Variants in NRG1 observed in about 807,000 individuals in gnomAD.
NRG1 encodes the protein neuregulin 1, also known as pro-neuregulin-1, membrane-bound isoform.
A neutral mutation model predicts 63.8 loss-of-function variants in NRG1; 18 were observed. The observed-to-expected ratio is 0.28, with a 90% CI of 0.19 to 0.42. The LOEUF is 0.42. NRG1 is among the 10% of genes least tolerant of loss of function. The pLI is 1.00. For missense variants in NRG1, 762 were observed against 814.7 expected (o/e 0.94, Z 0.79); for synonymous variants, 302 against 301.3 (o/e 1.00, Z -0.02).
chr8:31,866,320 A>G lies in NRG1; in HGVS notation c.37+226889A>G, dbSNP rs1481620. ...CATGGAATTTGTGGAGACTCAATCAATGTTACTTGGATTGAGTAATAAAGG... is the reference window on the plus strand; with the variant it reads ...CATGGAATTTGTGGAGACTCAATCAGTGTTACTTGGATTGAGTAATAAAGG... On this transcript the variant is annotated intron_variant, in intron 1 of 10. Transcript: ENST00000519301. Among the ~76,000 whole-genome samples, 1,335 of 152,276 alleles carry G rather than the reference A, an allele frequency of 8.8e-3. 58 individuals carry two copies. The South Asian group carries it at 0.13, about 14-fold the overall frequency.
chr8:32,648,256 C>T (rs566664058), intron 5 of NRG1: 2 of 1,614,096 alleles, frequency 1.2e-6, no homozygotes, highest in Non-Finnish European at 1.7e-6. Context: ...CGTATTTTTG[C>T]CTTTTCTTTC....
intron 1 of NRG1, among the ~76,000 whole-genome samples, chr8:32,229,066 G>T (rs2132562774): frequency 6.6e-6 from 1 of 152,252 alleles, no homozygotes; most frequent in East Asian, 1.9e-4. Context: ...CCTTCCTAAA[G>T]AGTGCATTAT....
chr8:31,734,863 G>C (rs1814493316), intron 1 of NRG1, among the ~76,000 whole-genome samples: 1 of 151,984 alleles, frequency 6.6e-6, no homozygotes, highest in African/African-American at 2.4e-5. Context: ...AGCCTCTTAG[G>C]TTTTTGTTTG....
chr8:32,195,438 C>A (rs200144539), intron 1 of NRG1, among the ~76,000 whole-genome samples: 212 of 137,554 alleles, frequency 1.5e-3, no homozygotes, highest in Middle Eastern at 7.6e-3. Context: ...GACCCTGTCT[C>A]AAAAAAAAAA....
intron 1 of NRG1, among the ~76,000 whole-genome samples, chr8:32,218,827 G>C (rs1563920488): frequency 6.6e-6 from 1 of 152,180 alleles, no homozygotes; most frequent in Non-Finnish European, 1.5e-5. Flanking sequence ...TGGCTACTGA[G>C]TTAGTAACCA....
chr8:31,711,694 C>A (rs1172537563), intron 1 of NRG1, among the ~76,000 whole-genome samples: 1 of 152,264 alleles, frequency 6.6e-6, no homozygotes, highest in South Asian at 2.1e-4. Context: ...CACAAATTAT[C>A]ATAATCTAAG....
intron 1 of NRG1, among the ~76,000 whole-genome samples, chr8:32,025,905 C>G (rs1357646870): frequency 1.4e-5 from 2 of 145,854 alleles, no homozygotes; most frequent in Non-Finnish European, 3.0e-5. Context: ...GAGATCCCGC[C>G]GCTGCATTAC....
intron 1 of NRG1, among the ~76,000 whole-genome samples, chr8:31,923,605 T>G (rs1834091774): frequency 6.6e-6 from 1 of 152,212 alleles, no homozygotes; most frequent in Non-Finnish European, 1.5e-5. Context: ...TGGAAACGTT[T>G]AAAATTACTG....
intron 1 of NRG1, among the ~76,000 whole-genome samples, chr8:32,050,917 CAT>C (rs914122586): frequency 1.5e-4 from 23 of 152,112 alleles, no homozygotes; most frequent in African/African-American, 5.5e-4. Flanking sequence ...TAATGTATAA[CAT>C]AAAGACAGAT....
At chr8:32,591,366 T>A (rs1842492195) in intron 1 of NRG1, among the ~76,000 whole-genome samples, 1 of 152,106 alleles carries the variant, frequency 6.6e-6, no homozygotes, top group African/African-American at 2.4e-5. Flanking sequence ...CATCGAGAAA[T>A]GTTCATACAT....
intron 1 of NRG1, among the ~76,000 whole-genome samples, chr8:32,114,366 G>A (rs142386745): frequency 1.9e-4 from 29 of 152,330 alleles, no homozygotes; most frequent in Middle Eastern, 3.4e-3. Context: ...CAGTGCATTA[G>A]TAGGAGTGCA....
At chr8:31,849,856 A>G (rs1490157420) in intron 1 of NRG1, among the ~76,000 whole-genome samples, 2 of 152,164 alleles carry the variant, frequency 1.3e-5, no homozygotes, top group African/African-American at 4.8e-5. Context: ...TCTAAGGTAT[A>G]TTTATGTTTT....
intron 1 of NRG1, among the ~76,000 whole-genome samples, chr8:31,799,757 C>A (rs556149574): frequency 6.6e-6 from 1 of 151,962 alleles, no homozygotes; most frequent in Non-Finnish European, 1.5e-5. Context: ...TATATATACA[C>A]GTATGCATAC....
chr8:31,874,908 T>G (rs1829785771), intron 1 of NRG1, among the ~76,000 whole-genome samples: 1 of 152,208 alleles, frequency 6.6e-6, no homozygotes, highest in Admixed American at 6.5e-5. Context: ...ACAGAGCTTC[T>G]TATACTTTTC....
chr8:31,823,527 C>T (rs755966950), intron 1 of NRG1, among the ~76,000 whole-genome samples: 11 of 152,154 alleles, frequency 7.2e-5, no homozygotes, highest in Non-Finnish European at 1.3e-4. Context: ...AGTTTCATGG[C>T]GTATTTAACA....
Position 31,836,217 on chromosome 8 carries a change from A to G in NRG1, c.37+196786A>G, listed in dbSNP as rs544887084. Among the ~76,000 whole-genome samples, 274 of 152,298 alleles carry G rather than the reference A, an allele frequency of 1.8e-3. 2 individuals carry two copies. The highest frequency in any genetic ancestry group is 1.8e-3 in the Non-Finnish European group (121 of 68,000). On this transcript the variant is annotated intron_variant, in intron 1 of 10. Transcript: ENST00000519301. ...TAAAATTGTTAAAAATGTTACTTTG[A>G]ACTTTAGTATTTGAAGATTATCGTG...
intron 1 of NRG1, among the ~76,000 whole-genome samples, chr8:31,984,696 G>A (rs1563648369): frequency 6.6e-6 from 1 of 152,030 alleles, no homozygotes; most frequent in African/African-American, 2.4e-5. Context: ...CTCCAGCCAA[G>A]ATTATGATGA....
At chr8:32,756,505 C>G (rs774211921) in exon 9 of NRG1, 8 of 1,612,726 alleles carry the variant, frequency 5.0e-6, no homozygotes, top group Middle Eastern at 1.6e-4. Flanking sequence ...CTAACCCACC[C>G]CCCGAGAATG....
intron 1 of NRG1, among the ~76,000 whole-genome samples, chr8:32,205,153 T>C (rs112145925): frequency 0.013 from 1,933 of 152,288 alleles, 52 homozygotes; most frequent in African/African-American, 0.044. Context: ...GGAAATACTC[T>C]AAAATGTTAA....
Sources: allele counts gnomAD v4.1 joint callset (sites outside exome capture counted in the v4.1 genomes callset), GRCh38; gene constraint gnomAD v4.1.1; transcripts MANE v1.5; gene names NCBI Gene and HGNC (gene_info 2026-07-23, HGNC 2026-07-21).